Variants in OXTR observed in about 807,000 individuals in gnomAD.
OXTR encodes the protein oxytocin receptor.
In OXTR, 19 loss-of-function variants were observed where a neutral mutation model predicts 23.9. That is an observed-to-expected ratio of 0.80 (90% CI 0.56 to 1.17). The LOEUF (loss-of-function observed/expected upper bound fraction) is 1.17. Ranked by LOEUF, OXTR falls within the 50% of genes most tolerant of loss-of-function variation. The pLI is 0.00. For synonymous variants in OXTR, 278 were observed against 250.5 expected, an observed-to-expected ratio of 1.11 and a Z score of -1.04; for missense variants, 500 against 550.7, an observed-to-expected ratio of 0.91 and a Z score of 0.92.
At chr3:8,743,411 C>T in the OXTR span, among the ~76,000 whole-genome samples, 1 of 152,112 alleles carries the variant, frequency 6.6e-6, no homozygotes, top group African/African-American at 2.4e-5. Flanking sequence ...CAGCCACCAC[C>T]TCCTGGAAGC....
rs1202221236 is a variant in OXTR at position 8,752,181 on chromosome 3, T to C, written c.*796A>G. On this transcript the variant is annotated 3_prime_UTR_variant, in exon 4 of 4. Transcript: ENST00000316793. ...TAAAGAAATACAATTCATTTTTGTA[T>C]ATTGATCTTGTATCTTGAAACCTTG... 6.6e-6 allele frequency: 1 copy of C among 152,200 alleles called. No individual in the cohort carries two copies. The highest frequency in any genetic ancestry group is 6.5e-5 in the Admixed American group (1 of 15,278). 9.4% of individuals were successfully genotyped at this position (152,200 alleles called of 1,614,324 possible). A position where few individuals can be genotyped will look rare whatever the true frequency, so the allele number is the denominator to read the frequency against.
At position 8,752,554 on chromosome 3, in the gene OXTR, C is replaced by A. The variant is rs1273085492; in HGVS notation, c.*423G>T. On this transcript the variant is annotated 3_prime_UTR_variant, in exon 4 of 4. Transcript: ENST00000316793. ...AGGTCAGGAGGATCTTAGCACCACC[C>A]TTCCCATCTGAGGTCCCAACCCCAC... 3.0e-5 allele frequency: 5 copies of A among 169,262 alleles called. No individual in the cohort carries two copies. Among genetic ancestry groups the A allele is most frequent in the Non-Finnish European group, 6.5e-5 (5 of 77,278 alleles). The allele number at this position is 169,262 out of a possible 1,614,324, so 10.5% of individuals were successfully genotyped here.
At chr3:8,765,306 T>C (rs2125005239) in intron 3 of OXTR, among the ~76,000 whole-genome samples, 1 of 151,964 alleles carries the variant, frequency 6.6e-6, no homozygotes, top group African/African-American at 2.4e-5. Context: ...CAGGAAGCCA[T>C]AGAGGAGGGA....
At chr3:8,758,927 G>A (rs888579552) in intron 3 of OXTR, among the ~76,000 whole-genome samples, 1 of 152,232 alleles carries the variant, frequency 6.6e-6, no homozygotes, top group African/African-American at 2.4e-5. Context: ...AACAGTGAGT[G>A]TTGGTAAAAG....
chr3:8,755,482 C>A (rs543590827), intron 3 of OXTR, among the ~76,000 whole-genome samples: 2 of 152,204 alleles, frequency 1.3e-5, no homozygotes. Flanking sequence ...GATCTTTCAA[C>A]TTTTTTATCC....
chr3:8,745,299 C>G, the OXTR span, among the ~76,000 whole-genome samples: 15 of 152,292 alleles, frequency 9.8e-5, no homozygotes, highest in South Asian at 2.9e-3. This position sits in a 1 kb window ranked among gnomAD's most constrained non-coding sequence, Gnocchi z 4.8. Context: ...CACCATGATT[C>G]CTGCACAGAT....
chr3:8,748,411 C>T (rs1480350674), downstream of OXTR, among the ~76,000 whole-genome samples: 1 of 152,170 alleles, frequency 6.6e-6, no homozygotes, highest in Non-Finnish European at 1.5e-5. Flanking sequence ...ACTGAGTGCA[C>T]CTGTGATTCC....
downstream of OXTR, among the ~76,000 whole-genome samples, chr3:8,748,021 T>C (rs1708198721): frequency 6.6e-6 from 1 of 152,114 alleles, no homozygotes; most frequent in Non-Finnish European, 1.5e-5. Flanking sequence ...GGAATCTCCT[T>C]GAGAAGTAGC....
At chr3:8,743,637 GAC>G in the OXTR span, among the ~76,000 whole-genome samples, 3 of 152,182 alleles carry the variant, frequency 2.0e-5, no homozygotes, top group South Asian at 2.1e-4. Context: ...GCTGCCTGCT[GAC>G]ACACCACCCC....
downstream of OXTR, among the ~76,000 whole-genome samples, chr3:8,750,086 A>G (rs1212663962): frequency 2.0e-5 from 3 of 152,194 alleles, no homozygotes. Flanking sequence ...TCCTAACCTC[A>G]AGGCTGAGAG....
At chr3:8,745,530 A>G, downstream of OXTR, 1 of 1,613,954 alleles carries the variant, frequency 6.2e-7, no homozygotes, top group Non-Finnish European at 8.5e-7. This position sits in a 1 kb window ranked among gnomAD's most constrained non-coding sequence, Gnocchi z 4.8. Flanking sequence ...CTGCAGGTGG[A>G]TTTTGAAGAC....
chr3:8,768,092 CG>C lies in OXTR; in HGVS notation c.95del (p.Pro32ArgfsTer23). The C allele has an allele frequency of 1.4e-6, 2 of 1,456,140 alleles. No individual in the cohort carries two copies. The highest frequency in any genetic ancestry group is 1.8e-6 in the Non-Finnish European group (2 of 1,104,532). 90.2% of individuals were successfully genotyped at this position (1,456,140 alleles called of 1,614,324 possible). A position where few individuals can be genotyped will look rare whatever the true frequency, so the allele number is the denominator to read the frequency against. ...GAEGNRTAGP[P>X]RRNEALARVE... ...CGCGCGCCAGGGCCTCGTTGCGCCG[CG>C]GGGGTCCGGCGGTGCGGTTGCCCTC... On this transcript the variant is annotated frameshift_variant, in exon 3 of 4. Transcript: ENST00000316793. LOFTEE classifies it high-confidence loss of function. This position sits in a 1 kb window ranked among gnomAD's most constrained non-coding sequence, Gnocchi z 5.4.
intron 3 of OXTR, among the ~76,000 whole-genome samples, chr3:8,757,854 A>T (rs1379129979): frequency 6.6e-6 from 1 of 152,152 alleles, no homozygotes. Flanking sequence ...CCTCCCCTCC[A>T]TGCCATGCAC....
rs1309587893 is a variant in OXTR, at chr3:8,751,636, C to T, written c.*1341G>A. 1 of 152,020 alleles carries T rather than the reference C, an allele frequency of 6.6e-6. No individual in the cohort carries two copies. The highest frequency in any genetic ancestry group is 2.4e-5 in the African/African-American group (1 of 41,380). 9.4% of individuals were successfully genotyped at this position (152,020 alleles called of 1,614,324 possible). A position where few individuals can be genotyped will look rare whatever the true frequency, so the allele number is the denominator to read the frequency against. ...CTCGGTGCCATTTGTTGAAAAGACT[C>T]TCCTTTCTCTATTGAATTGTCTTGG... On this transcript the variant is annotated 3_prime_UTR_variant, in exon 4 of 4. Transcript: ENST00000316793.
chr3:8,743,978 C>T, the OXTR span, among the ~76,000 whole-genome samples: 1 of 152,032 alleles, frequency 6.6e-6, no homozygotes, highest in Non-Finnish European at 1.5e-5. Context: ...GGATCCCCTC[C>T]CCATAACCAA....
chr3:8,745,668 T>A (rs116840801), downstream of OXTR: 1 of 1,614,194 alleles, frequency 6.2e-7, no homozygotes, highest in Admixed American at 1.7e-5. This position sits in a 1 kb window ranked among gnomAD's most constrained non-coding sequence, Gnocchi z 4.8. Flanking sequence ...CCACTGGCCC[T>A]GCTCTGGGGC....
chr3:8,759,470 A>G (rs929122039), intron 3 of OXTR, among the ~76,000 whole-genome samples: 1 of 152,220 alleles, frequency 6.6e-6, no homozygotes, highest in South Asian at 2.1e-4. Flanking sequence ...GGAAGAGTTC[A>G]ATAAGGAGCT....
chr3:8,742,641 C>T, the OXTR span: 1 of 418,008 alleles, frequency 2.4e-6, no homozygotes, highest in Non-Finnish European at 4.8e-6. Flanking sequence ...ATATTACCAT[C>T]ACAATAGCCA....
At position 8,769,365 on chromosome 3, in the gene OXTR, G is replaced by A. The variant is rs1265291199; in HGVS notation, c.-373C>T. On this transcript the variant is annotated 5_prime_UTR_variant, in exon 1 of 4. Transcript: ENST00000316793. ...CCGGCTGCACCTAATGTGATGCTAA[G>A]CTGAGGTCTCTCACTGGAGCCTCGG... 6.6e-6 allele frequency: 1 copy of A among 152,348 alleles called. No homozygotes were observed. The highest frequency in any genetic ancestry group is 1.5e-5 in the Non-Finnish European group (1 of 68,118). The allele number at this position is 152,348 out of a possible 1,614,324, so 9.4% of individuals were successfully genotyped here.
Sources: allele counts gnomAD v4.1 joint callset (sites outside exome capture counted in the v4.1 genomes callset), GRCh38; gene constraint gnomAD v4.1.1; non-coding constraint Gnocchi (gnomAD v3.1); transcripts MANE v1.5; gene names NCBI Gene and HGNC (gene_info 2026-07-23, HGNC 2026-07-21).